Variants in CREBL2 observed in about 807,000 individuals in gnomAD.
The protein encoded by CREBL2 is cAMP responsive element binding protein like 2.
A neutral mutation model predicts 19.5 loss-of-function variants in CREBL2; 4 were observed. The ratio of observed to expected loss-of-function variants is 0.20; its 90% CI spans 0.10 to 0.47. The LOEUF (loss-of-function observed/expected upper bound fraction) is 0.47, where lower values mean the gene tolerates loss of function less well. Ranked by LOEUF, CREBL2 falls within the 20% of genes least tolerant of loss-of-function variation. The pLI, the probability that CREBL2 is intolerant of heterozygous loss-of-function variation, is 0.98. For missense variants in CREBL2, 85 were observed against 145.1 expected (o/e 0.59, Z 2.13); for synonymous variants, 42 against 46.6 (o/e 0.90, Z 0.40).
intron 1 of CREBL2, among the ~76,000 whole-genome samples, chr12:12,630,602 C>G (rs1945436169): frequency 1.3e-5 from 2 of 152,144 alleles, no homozygotes; most frequent in African/African-American, 4.8e-5. Flanking sequence ...TTATTCATCT[C>G]TGCCTACTAT....
chr12:12,632,696 T>C (rs187751345), intron 1 of CREBL2: 1 of 152,256 alleles, frequency 6.6e-6, no homozygotes, highest in African/African-American at 2.4e-5. Flanking sequence ...TGATGTAATA[T>C]ATAAGCTTTT....
intron 1 of CREBL2, among the ~76,000 whole-genome samples, chr12:12,621,731 G>A (rs183864992): frequency 9.0e-4 from 137 of 152,208 alleles, no homozygotes; most frequent in African/African-American, 3.2e-3. Context: ...GAAGAGACCT[G>A]GTGAATCAGA....
At position 12,620,259 on chromosome 12, in the gene CREBL2, G is replaced by A. The variant is rs149299028; in HGVS notation, c.15+8072G>A. 1.4e-3 allele frequency among the ~76,000 whole-genome samples: 209 copies of A among 148,982 alleles called. 1 individual carries two copies. Among genetic ancestry groups the A allele is most frequent in the African/African-American group, 5.0e-3 (201 of 40,392 alleles). ...TTCTTTTTCTTTTTTTTTTTGAGAC[G>A]GTCTCACTCTGTCACCCAGGCTGGG... On this transcript the variant is annotated intron_variant, in intron 1 of 3. Transcript: ENST00000228865.
Position 12,612,069 on chromosome 12 carries a change from G to C in CREBL2, c.-104G>C. ...GTTAGGCGAGAGGAGGAGGCAGCCA[G>C]AACCATATCCCCTTCTTCCTCGGGG... On this transcript the variant is annotated 5_prime_UTR_variant, in exon 1 of 4. Transcript: ENST00000228865. 7.0e-7 allele frequency: 1 copy of C among 1,432,338 alleles called. No homozygotes were observed. Among genetic ancestry groups the C allele is most frequent in the Non-Finnish European group, 9.7e-7 (1 of 1,029,720 alleles). The allele number at this position is 1,432,338 out of a possible 1,614,324, so 88.7% of individuals were successfully genotyped here.
In CREBL2 at chr12:12,642,999, A is replaced by T. The variant is rs1336826212; in HGVS notation, c.*1001A>T. 6.6e-6 allele frequency: 1 copy of T among 152,658 alleles called. No individual in the cohort carries two copies. Among genetic ancestry groups the T allele is most frequent in the Non-Finnish European group, 1.5e-5 (1 of 68,022 alleles). The allele number at this position is 152,658 out of a possible 1,614,324, so 9.5% of individuals were successfully genotyped here. A position where few individuals can be genotyped will look rare whatever the true frequency, so the allele number is the denominator to read the frequency against. On this transcript the variant is annotated 3_prime_UTR_variant, in exon 4 of 4. Transcript: ENST00000228865. ...CTGCCTTAAAATCTGAAACAAAAAA[A>T]GGGACAAATTGCTGGTAGATCTACT...
chr12:12,613,546 C>T (rs1483212606), intron 1 of CREBL2, among the ~76,000 whole-genome samples: 1 of 152,150 alleles, frequency 6.6e-6, no homozygotes, highest in African/African-American at 2.4e-5. Flanking sequence ...ATGTAGAAGG[C>T]TGTGAGGAAG....
Position 12,627,293 on chromosome 12 carries a change from T to G in CREBL2, c.16-8484T>G, listed in dbSNP as rs184076641. 3.5e-3 allele frequency among the ~76,000 whole-genome samples: 534 copies of G among 152,242 alleles called. 6 individuals carry two copies. The highest frequency in any genetic ancestry group is 8.3e-3 in the Admixed American group (127 of 15,292). On this transcript the variant is annotated intron_variant, in intron 1 of 3. Transcript: ENST00000228865. ...AGTGGAGAGGGGATAGTATAGGAAC[T>G]CCCTGTACTTTCTTCTTAATTTTCC...
At chr12:12,638,492 A>C (rs973184607) in intron 3 of CREBL2, among the ~76,000 whole-genome samples, 1 of 152,188 alleles carries the variant, frequency 6.6e-6, no homozygotes, top group South Asian at 2.1e-4. Flanking sequence ...TGCATTTTAC[A>C]TGGAGTCTAT....
intron 3 of CREBL2, among the ~76,000 whole-genome samples, chr12:12,640,941 G>A (rs963178903): frequency 6.6e-6 from 1 of 151,980 alleles, no homozygotes; most frequent in Admixed American, 6.5e-5. Context: ...TCATATCTAA[G>A]ACTCCATTGC....
Position 12,643,349 on chromosome 12 carries a change from C to A in CREBL2, c.*1351C>A, listed in dbSNP as rs904753821. 1 of 152,592 alleles carries A rather than the reference C, an allele frequency of 6.6e-6. No individual in the cohort carries two copies. Among genetic ancestry groups the A allele is most frequent in the East Asian group, 1.9e-4 (1 of 5,200 alleles). 9.5% of individuals were successfully genotyped at this position (152,592 alleles called of 1,614,324 possible). On this transcript the variant is annotated 3_prime_UTR_variant, in exon 4 of 4. Transcript: ENST00000228865. ...CCCAGAAATCTTTTGATTTCCCCAG[C>A]GAGATACTTACCACTCTCTCTTCTC...
intron 1 of CREBL2, among the ~76,000 whole-genome samples, 157 bp downstream of exon 1, chr12:12,612,344 G>A (rs530470116): frequency 1.7e-3 from 264 of 152,298 alleles, no homozygotes; most frequent in Non-Finnish European, 2.8e-3. Context: ...TACCCAGCCA[G>A]GAAATCAGGG....
Position 12,643,518 on chromosome 12 carries a change from C to G in CREBL2, c.*1520C>G, listed in dbSNP as rs1431033212. ...GAGGAGATACCGTAGTCTAGATTGT[C>G]TTTGAGGTAGAATATATGATGGACC... On this transcript the variant is annotated 3_prime_UTR_variant, in exon 4 of 4. Coordinates refer to ENST00000228865, the MANE Select transcript of CREBL2 (RefSeq NM_001310.4). 1.3e-5 allele frequency: 2 copies of G among 152,482 alleles called. No individual in the cohort carries two copies. The highest frequency in any genetic ancestry group is 2.9e-5 in the Non-Finnish European group (2 of 68,036). 9.4% of individuals were successfully genotyped at this position (152,482 alleles called of 1,614,324 possible).
intron 1 of CREBL2, among the ~76,000 whole-genome samples, chr12:12,629,505 T>C (rs1039741432): frequency 6.6e-6 from 1 of 152,192 alleles, no homozygotes; most frequent in Non-Finnish European, 1.5e-5. Context: ...GTAGCTCTAA[T>C]AGGTTTTTTC....
intron 1 of CREBL2, among the ~76,000 whole-genome samples, chr12:12,618,811 T>C (rs1305291236): frequency 2.0e-5 from 3 of 152,178 alleles, no homozygotes; most frequent in African/African-American, 7.2e-5. Flanking sequence ...GGCAGATCAC[T>C]CGCGGTCAGG....
At chr12:12,617,661 T>G (rs1361671155) in intron 1 of CREBL2, among the ~76,000 whole-genome samples, 4 of 112,282 alleles carry the variant, frequency 3.6e-5, no homozygotes, top group African/African-American at 1.4e-4. Context: ...TTTTTTTTTT[T>G]TTTTTTTTTT....
At position 12,641,247 on chromosome 12, in the gene CREBL2, A is replaced by ATTTTTTTTTTTT. The variant is rs1380373401; in HGVS notation, c.359-745_359-744insTTTTTTTTTTTT. Among the ~76,000 whole-genome samples, 11 of 22,062 alleles carry ATTTTTTTTTTTT rather than the reference A, an allele frequency of 5.0e-4. 1 individual carries two copies. Among genetic ancestry groups the ATTTTTTTTTTTT allele is most frequent in the East Asian group, 2.1e-3 (2 of 948 alleles). 14.5% of individuals were successfully genotyped at this position (22,062 alleles called of 152,430 possible). On this transcript the variant is annotated intron_variant, in intron 3 of 3. Coordinates refer to ENST00000228865, the MANE Select transcript of CREBL2 (RefSeq NM_001310.4). ...AACCTTTATTATTATTATTATTATT[A>ATTTTTTTTTTTT]TTATTATTTTTTTTTATTTTTTTTT...
intron 1 of CREBL2, among the ~76,000 whole-genome samples, chr12:12,625,599 C>T (rs780912624): frequency 3.9e-5 from 6 of 152,142 alleles, no homozygotes; most frequent in Admixed American, 6.5e-5. Context: ...TGCTTGATTA[C>T]CTTCTGACAG....
At chr12:12,628,912 C>A (rs1945422248) in intron 1 of CREBL2, among the ~76,000 whole-genome samples, 3 of 152,232 alleles carry the variant, frequency 2.0e-5, no homozygotes, top group African/African-American at 7.2e-5. Flanking sequence ...GGCACCTTGT[C>A]AAAAATCAAT....
intron 3 of CREBL2, 149 bp downstream of exon 3, chr12:12,637,863 A>G (rs1945487663): frequency 3.7e-6 from 3 of 810,616 alleles, no homozygotes; most frequent in Non-Finnish European, 5.3e-6. Flanking sequence ...CAACATGGCA[A>G]AACCCCATCT....
Sources: gnomAD v4.1 joint callset for allele counts (sites outside exome capture counted in the v4.1 genomes callset) on GRCh38, gnomAD v4.1.1 for gene constraint, MANE v1.5 for transcripts, NCBI Gene and HGNC (gene_info 2026-07-23, HGNC 2026-07-21) for gene names.